The following ZNF69 variants were observed in gnomAD, a reference collection of about 807,000 sequenced individuals.
ZNF69 encodes the protein ZNF3.
Under a neutral mutation model 50.9 loss-of-function variants are expected in ZNF69, and 47 were observed. That is an observed-to-expected ratio of 0.92 (90% CI 0.73 to 1.18). The LOEUF is 1.18. Ranked by LOEUF, ZNF69 falls within the 50% of genes most tolerant of loss-of-function variation. The probability of loss-of-function intolerance (pLI) is 0.00; values close to 1 mark genes in which losing one functional copy is unlikely to be tolerated. For missense variants in ZNF69, 717 were observed against 675.1 expected (o/e 1.06, Z -0.69); for synonymous variants, 216 against 223.1 (o/e 0.97, Z 0.29).
At chr19:11,914,864 G>A (rs1359338766), downstream of ZNF69, among the ~76,000 whole-genome samples, 2 of 152,180 alleles carry the variant, frequency 1.3e-5, no homozygotes, top group Non-Finnish European at 2.9e-5. Context: ...GGGTGGAGTC[G>A]TTGATTGTCA....
intron 1 of ZNF69, among the ~76,000 whole-genome samples, chr19:11,890,444 A>G (rs1050339585): frequency 1.3e-5 from 2 of 152,228 alleles, no homozygotes; most frequent in Admixed American, 6.5e-5. Flanking sequence ...ACCTTGATTC[A>G]ATACAGCACA....
chr19:11,942,391 G>T, the ZNF69 span, among the ~76,000 whole-genome samples: 1 of 151,950 alleles, frequency 6.6e-6, no homozygotes, highest in East Asian at 1.9e-4. Flanking sequence ...CGTTATGACA[G>T]GTGCTACAGA....
At chr19:11,977,432 G>T in the ZNF69 span, 7 of 1,613,734 alleles carry the variant, frequency 4.3e-6, no homozygotes, top group African/African-American at 2.7e-5. Flanking sequence ...GAAACTTCAG[G>T]TAATTGGCAC....
At chr19:11,938,890 G>T in the ZNF69 span, among the ~76,000 whole-genome samples, 1 of 152,110 alleles carries the variant, frequency 6.6e-6, no homozygotes, top group Non-Finnish European at 1.5e-5. Context: ...AGCACCTGTT[G>T]TTTCCTGACT....
At chr19:11,950,032 C>T in the ZNF69 span, 1 of 1,614,040 alleles carries the variant, frequency 6.2e-7, no homozygotes, top group Non-Finnish European at 8.5e-7. Flanking sequence ...TGAAAGGAAG[C>T]ACAGAGGAGA....
chr19:11,948,423 A>G, the ZNF69 span: 1 of 1,614,184 alleles, frequency 6.2e-7, no homozygotes, highest in Non-Finnish European at 8.5e-7. Flanking sequence ...TGTGTGCAGA[A>G]GTTGGCATAG....
chr19:11,928,903 G>A, the ZNF69 span, among the ~76,000 whole-genome samples: 3 of 147,428 alleles, frequency 2.0e-5, no homozygotes, highest in South Asian at 6.3e-4. Context: ...AACATATTGA[G>A]ACCCCATCTC....
rs986174097 is a variant in ZNF69, at chr19:11,912,759, TCA to T, written c.449-646_449-645del. Among the ~76,000 whole-genome samples, 49 of 151,746 alleles carry T rather than the reference TCA, an allele frequency of 3.2e-4. 1 individual carries two copies. Among genetic ancestry groups the T allele is most frequent in the Non-Finnish European group, 1.5e-5 (1 of 67,920 alleles). Reference sequence around the variant, plus strand: ...CACACCTTCAAATGTATGGAAGGACTCACACTGGAGAGAAACCCTATGAATGT... The same window carrying T: ...CACACCTTCAAATGTATGGAAGGACTCACTGGAGAGAAACCCTATGAATGT... On this transcript the variant is annotated intron_variant, in intron 4 of 4. Transcript: ENST00000340180.
chr19:11,925,194 G>T, the ZNF69 span: 4 of 1,611,424 alleles, frequency 2.5e-6, no homozygotes, highest in East Asian at 6.7e-5. Flanking sequence ...GGCTTCTGTC[G>T]CTCTGTCGCC....
the ZNF69 span, among the ~76,000 whole-genome samples, chr19:11,937,299 C>G: frequency 6.6e-6 from 1 of 152,010 alleles, no homozygotes; most frequent in Non-Finnish European, 1.5e-5. Context: ...ATTTGCTAAT[C>G]CAGGTGTTTC....
At chr19:11,960,742 AT>A in the ZNF69 span, among the ~76,000 whole-genome samples, 1 of 150,480 alleles carries the variant, frequency 6.6e-6, no homozygotes, top group Non-Finnish European at 1.5e-5. Context: ...TCTTATTCTC[AT>A]TTTTTACCTA....
chr19:11,896,106 C>T (rs1205046658), intron 1 of ZNF69, among the ~76,000 whole-genome samples: 1 of 150,680 alleles, frequency 6.6e-6, no homozygotes, highest in African/African-American at 2.4e-5. Flanking sequence ...GTAATCCCAG[C>T]TACTTGGAAG....
At chr19:11,913,934 GA>G (rs1972494947) in exon 5 of ZNF69, 2 of 152,186 alleles carry the variant, frequency 1.3e-5, no homozygotes, top group Non-Finnish European at 2.9e-5. Flanking sequence ...ATCACATTTA[GA>G]AATATAGTTA....
the ZNF69 span, among the ~76,000 whole-genome samples, chr19:11,963,297 A>C: frequency 6.6e-6 from 1 of 152,122 alleles, no homozygotes; most frequent in Admixed American, 6.5e-5. Flanking sequence ...GTCTCACTTC[A>C]CTGCTCAGGG....
At chr19:11,921,659 C>T in the ZNF69 span, among the ~76,000 whole-genome samples, 5 of 152,166 alleles carry the variant, frequency 3.3e-5, no homozygotes, top group African/African-American at 4.8e-5. Context: ...CCTGCCACTA[C>T]GCCCAGCTAA....
the ZNF69 span, among the ~76,000 whole-genome samples, chr19:11,931,691 A>T: frequency 6.7e-6 from 1 of 148,430 alleles, no homozygotes; most frequent in African/African-American, 2.6e-5. Context: ...GTGATACTTA[A>T]TCTCCTTTTA....
chr19:11,893,384 G>A (rs1194541646), intron 1 of ZNF69, among the ~76,000 whole-genome samples: 3 of 152,170 alleles, frequency 2.0e-5, no homozygotes, highest in East Asian at 1.9e-4. Flanking sequence ...ATGGGATGCC[G>A]GATCTCAAAT....
chr19:11,974,065 TTTCTTTTCTTTCTTTC>T, the ZNF69 span, among the ~76,000 whole-genome samples: 1 of 140,656 alleles, frequency 7.1e-6, no homozygotes. Context: ...TCTTTCCTTC[TTTCTTTTCTTTCTTTC>T]TTTCTTTCTT....
chr19:11,890,072 C>T (rs561627911), intron 1 of ZNF69, among the ~76,000 whole-genome samples: 5 of 152,276 alleles, frequency 3.3e-5, no homozygotes, highest in African/African-American at 4.8e-5. Context: ...AATGAATGGT[C>T]GGCTTTACAC....
Sources: gnomAD v4.1 joint callset for allele counts (sites outside exome capture counted in the v4.1 genomes callset) on GRCh38, gnomAD v4.1.1 for gene constraint, MANE v1.5 for transcripts, NCBI Gene and HGNC (gene_info 2026-07-23, HGNC 2026-07-21) for gene names.